NUP205: variants seen among roughly 807,000 people sequenced by gnomAD.
The protein encoded by NUP205 is nuclear pore complex protein Nup205.
A neutral mutation model predicts 253.8 loss-of-function variants in NUP205; 76 were observed. The ratio of observed to expected loss-of-function variants is 0.30; its 90% CI spans 0.25 to 0.36. The LOEUF (loss-of-function observed/expected upper bound fraction) is 0.36, where lower values mean the gene tolerates loss of function less well. Ranked by LOEUF, NUP205 falls within the 10% of genes least tolerant of loss-of-function variation. The pLI is 1.00. For synonymous variants in NUP205, 832 were observed against 850.1 expected (o/e 0.98, Z 0.37); for missense variants, 2,162 against 2,425.5 (o/e 0.89, Z 2.28).
rs1228355788 is a variant in NUP205 at position 135,626,344 on chromosome 7, A to G, written c.4776A>G (p.Pro1592=). 14 of 1,614,044 alleles carry G rather than the reference A, an allele frequency of 8.7e-6. No homozygotes were observed. The highest frequency in any genetic ancestry group is 1.2e-5 in the Non-Finnish European group (14 of 1,180,002). The part of the protein sequence containing the change: ...LAQCQVYDMR[P]ETDPQSMFGM... ...AATGCCAAGTCTATGACATGCGCCC[A>G]GAAACGGACCCGCAGAGGTAAGTGT... The change falls in exon 33 of 43, where the codon CCA becomes CCG. Residue 1592 remains proline (P), a synonymous_variant. Coordinates refer to ENST00000285968, the MANE Select transcript of NUP205 (RefSeq NM_015135.3).
intron 7 of NUP205, among the ~76,000 whole-genome samples, chr7:135,581,084 A>T (rs1425192450): frequency 6.6e-6 from 1 of 152,270 alleles, no homozygotes; most frequent in South Asian, 2.1e-4. Context: ...TTTGCATTTT[A>T]AAAATTGTTA....
chr7:135,601,291 C>A, intron 16 of NUP205, 79 bp from the exon 17 acceptor site: 1 of 1,287,014 alleles, frequency 7.8e-7, no homozygotes, highest in Non-Finnish European at 1.1e-6. Context: ...ATTTACAAGT[C>A]TCATACATTT....
At position 135,617,241 on chromosome 7, in the gene NUP205, T is replaced by C. The variant is rs1048072846; in HGVS notation, c.3684T>C (p.Asn1228=). The C allele has an allele frequency of 3.6e-5, 58 of 1,613,342 alleles. No individual in the cohort carries two copies. The Middle Eastern group carries it at 4.9e-4, about 14-fold the overall frequency. ...ATTTACGGGGACAGACAGTCTGCAATGTCAAGGTGAGGATTGCTTTAAAGT... is the reference window on the plus strand; with the variant it reads ...ATTTACGGGGACAGACAGTCTGCAACGTCAAGGTGAGGATTGCTTTAAAGT... ...HKNLRGQTVC[N]VKLLHRVLVA... Residue 1228 remains asparagine, a synonymous_variant, in exon 26 of 43, where the codon AAT becomes AAC. Coordinates refer to ENST00000285968, the MANE Select transcript of NUP205 (RefSeq NM_015135.3).
intron 1 of NUP205, among the ~76,000 whole-genome samples, chr7:135,569,191 CT>C (rs1334053015): frequency 6.6e-6 from 1 of 152,214 alleles, no homozygotes; most frequent in African/African-American, 2.4e-5. Flanking sequence ...CTGCCTCAGA[CT>C]CCTGAGTAGC....
intron 34 of NUP205, among the ~76,000 whole-genome samples, chr7:135,629,172 C>T (rs968544536): frequency 6.6e-6 from 1 of 152,224 alleles, no homozygotes; most frequent in Non-Finnish European, 1.5e-5. Flanking sequence ...GAGTGATTCA[C>T]ATCCTTGGCT....
At chr7:135,595,776 G>C (rs1430854153) in intron 13 of NUP205, among the ~76,000 whole-genome samples, 1 of 151,892 alleles carries the variant, frequency 6.6e-6, no homozygotes, top group Non-Finnish European at 1.5e-5. Flanking sequence ...TTTTCTATCA[G>C]GTATAATTAT....
chr7:135,641,684 ATCACCTGAGCCCAGGAGGTTGAGGT>A, intron 38 of NUP205, among the ~76,000 whole-genome samples: 1 of 151,726 alleles, frequency 6.6e-6, no homozygotes, highest in Non-Finnish European at 1.5e-5. Context: ...AGGTGGGAGG[ATCACCTGAGCCCAGGAGGTTGAGGT>A]GGATCACCTG....
intron 15 of NUP205, among the ~76,000 whole-genome samples, chr7:135,600,282 A>C (rs1305093501): frequency 1.3e-5 from 2 of 152,160 alleles, no homozygotes; most frequent in Non-Finnish European, 1.5e-5. Flanking sequence ...GATAATGGGA[A>C]TATTTGGGGC....
chr7:135,590,474 C>T (rs1482606088), intron 10 of NUP205, among the ~76,000 whole-genome samples: 1 of 151,830 alleles, frequency 6.6e-6, no homozygotes, highest in African/African-American at 2.4e-5. Context: ...TACATGAATT[C>T]TATCCCTTAA....
At chr7:135,583,090 G>A (rs1194574317) in intron 7 of NUP205, among the ~76,000 whole-genome samples, 1 of 151,760 alleles carries the variant, frequency 6.6e-6, no homozygotes, top group South Asian at 2.1e-4. Context: ...ACTCCATCTC[G>A]AAATAAATAA....
At chr7:135,587,198 A>G (rs1017811901) in intron 8 of NUP205, among the ~76,000 whole-genome samples, 2 of 152,132 alleles carry the variant, frequency 1.3e-5, no homozygotes, top group Non-Finnish European at 2.9e-5. Flanking sequence ...TTTGCTTGTT[A>G]TGATGACTCT....
At chr7:135,601,055 A>G in intron 16 of NUP205, 86 bp downstream of exon 16, 1 of 658,464 alleles carries the variant, frequency 1.5e-6, no homozygotes, top group Non-Finnish European at 2.5e-6. Context: ...ATTAAAAATT[A>G]TACTTTTAAA....
At chr7:135,564,331 C>T (rs1805685192) in intron 1 of NUP205, among the ~76,000 whole-genome samples, 1 of 150,568 alleles carries the variant, frequency 6.6e-6, no homozygotes. Context: ...ACTGCAACCT[C>T]TGCCTCCTGG....
chr7:135,623,260 G>C (rs1794515115), intron 31 of NUP205, among the ~76,000 whole-genome samples: 1 of 152,178 alleles, frequency 6.6e-6, no homozygotes, highest in African/African-American at 2.4e-5. Context: ...TCCAGCCTGG[G>C]CTGCAGAGTG....
chr7:135,563,681 A>T (rs186312097), intron 1 of NUP205, among the ~76,000 whole-genome samples: 13 of 152,072 alleles, frequency 8.5e-5, no homozygotes, highest in Non-Finnish European at 1.6e-4. Context: ...ATTTTGAAAA[A>T]TTTATAGTGT....
intron 1 of NUP205, among the ~76,000 whole-genome samples, chr7:135,568,082 G>A (rs1805836258): frequency 6.6e-6 from 1 of 151,978 alleles, no homozygotes; most frequent in South Asian, 2.1e-4. Flanking sequence ...AAAATTAGAC[G>A]GGCGTGGTGG....
intron 39 of NUP205, 61 bp from the exon 40 acceptor site, chr7:135,644,834 T>A: frequency 3.2e-6 from 5 of 1,547,960 alleles, no homozygotes; most frequent in Non-Finnish European, 3.5e-6. Context: ...CTGATAGTAG[T>A]TTTTCATTAA....
At chr7:135,603,907 A>C (rs1794024523) in intron 18 of NUP205, among the ~76,000 whole-genome samples, 1 of 152,148 alleles carries the variant, frequency 6.6e-6, no homozygotes, top group Non-Finnish European at 1.5e-5. Context: ...TTTTCACAGA[A>C]AACTTGAGCT....
Position 135,645,640 on chromosome 7 carries a change from G to C in NUP205, c.5812+44G>C, listed in dbSNP as rs1794993019. The C allele has an allele frequency of 5.1e-6, 8 of 1,579,754 alleles. No individual in the cohort carries two copies. The East Asian group carries it at 1.8e-4, about 35-fold the overall frequency. On this transcript the variant is annotated intron_variant, in intron 41 of 42. Transcript: ENST00000285968. ...ATTAATGAACCATAAATACCTATTT[G>C]TGCCTTGAAAAGCTAGTACCAGTTT...
Sources: allele counts gnomAD v4.1 joint callset (sites outside exome capture counted in the v4.1 genomes callset), GRCh38; gene constraint gnomAD v4.1.1; transcripts MANE v1.5; gene names NCBI Gene and HGNC (gene_info 2026-07-23, HGNC 2026-07-21).